Variants in FAM83G observed in about 807,000 individuals in gnomAD.
The protein encoded by FAM83G is protein FAM83G.
A neutral mutation model predicts 61.5 loss-of-function variants in FAM83G; 38 were observed. The ratio of observed to expected loss-of-function variants is 0.62; its 90% CI spans 0.48 to 0.81. The LOEUF (loss-of-function observed/expected upper bound fraction) is 0.81. Among genes scored for constraint, FAM83G ranks in the 30% least tolerant of loss-of-function variants. The pLI, the probability that FAM83G is intolerant of heterozygous loss-of-function variation, is 0.00. For missense variants in FAM83G, 989 were observed against 1,133.6 expected (o/e 0.87, Z 1.83); for synonymous variants, 470 against 476.1 (o/e 0.99, Z 0.17).
rs759719309 is a variant in FAM83G, at chr17:18,978,741, T to A, written c.925A>T (p.Ser309Cys). Residue 309 changes from serine to cysteine, a missense_variant, in exon 5 of 6, where the codon AGT becomes TGT. Ser to Cys is a moderately radical substitution (Grantham distance 112, BLOSUM62 -1). This residue lies in a region of FAM83G where 44 missense variants were observed against 83.9 expected (regional missense o/e 0.52). Coordinates refer to ENST00000388995, the MANE Select transcript of FAM83G (RefSeq NM_001039999.3). ...QFQELYLMSH[S>C]VSLKGIPMEK... Reference sequence around the variant, plus strand: ...ATAGGGATGCCCTTGAGGCTCACACTGTGTGACATGAGGTACAGCTCCTGG... The same window carrying A: ...ATAGGGATGCCCTTGAGGCTCACACAGTGTGACATGAGGTACAGCTCCTGG... 1.2e-6 allele frequency: 2 copies of A among 1,612,986 alleles called. No homozygotes were observed. The highest frequency in any genetic ancestry group is 1.7e-6 in the Non-Finnish European group (2 of 1,180,004).
rs2043076335 is a variant in FAM83G, at chr17:18,979,568, C to G, written c.796G>C (p.Ala266Pro). 6.2e-7 allele frequency: 1 copy of G among 1,613,310 alleles called. No individual in the cohort carries two copies. The change falls in exon 4 of 6, where the codon GCT becomes CCT. Residue 266 changes from alanine to proline, a missense_variant. This residue lies in a region of FAM83G where 371 missense variants were observed against 404.5 expected (regional missense o/e 0.92). Transcript: ENST00000388995. The part of the protein sequence containing the change: ...QKFMFVDGDR[A>P]VCGSYSFTWS... ...AGTCACCTGTAGGAGCCGCACACAG[C>G]CCGGTCTCCATCCACAAACATGAAC... is the stretch of plus-strand genomic sequence containing the variant.
rs1233979380 is a variant in FAM83G, at chr17:18,988,259, C to T, written c.678G>A (p.Leu226=). 1 of 1,609,762 alleles carries T rather than the reference C, an allele frequency of 6.2e-7. No individual in the cohort carries two copies. The highest frequency in any genetic ancestry group is 8.5e-7 in the Non-Finnish European group (1 of 1,176,408). ...GGAGCCTGCTCACCTTGAGGTGCCC[C>T]AGGTGCATGCAGGCCCGCTCACACA... ...LHMCERACMH[L]GHLKNLRVRS... Residue 226 remains leucine (L), a synonymous_variant, in exon 3 of 6, where the codon CTG becomes CTA. Coordinates refer to ENST00000388995, the MANE Select transcript of FAM83G (RefSeq NM_001039999.3).
chr17:18,979,092 G>A, intron 4 of FAM83G: 1 of 578,000 alleles, frequency 1.7e-6, no homozygotes, highest in Non-Finnish European at 3.1e-6. Context: ...CTCTCAGGCT[G>A]GTACAGGATT....
chr17:18,979,620 G>A lies in FAM83G; in HGVS notation c.744C>T (p.Thr248=). Residue 248 remains threonine, a synonymous_variant, in exon 4 of 6, where the codon ACC becomes ACT. Transcript: ENST00000388995. The stretch of plus-strand genomic sequence containing the variant: ...TCTGGGCCAGGGCACCCTTGAACTT[G>A]GTTGCCGACCGCGTGAAGAACTCAG... The part of the protein sequence containing the change: ...GGTEFFTRSA[T]KFKGALAQKF... 1 of 1,613,536 alleles carries A rather than the reference G, an allele frequency of 6.2e-7. No individual in the cohort carries two copies. The highest frequency in any genetic ancestry group is 2.2e-5 in the East Asian group (1 of 44,880).
chr17:18,986,830 G>A (rs923764838), intron 3 of FAM83G, among the ~76,000 whole-genome samples: 1 of 152,208 alleles, frequency 6.6e-6, no homozygotes, highest in East Asian at 1.9e-4. Flanking sequence ...CCTGGGCATC[G>A]GGCAGGGCCA....
In FAM83G at chr17:18,970,014, C is replaced by T. The variant is rs530968800; in HGVS notation, c.*1345G>A. The T allele has an allele frequency of 6.6e-6, 1 of 152,452 alleles. No homozygotes were observed. The highest frequency in any genetic ancestry group is 2.1e-4 in the South Asian group (1 of 4,830). The allele number at this position is 152,452 out of a possible 1,614,324, so 9.4% of individuals were successfully genotyped here. A position where few individuals can be genotyped will look rare whatever the true frequency, so the allele number is the denominator to read the frequency against. Reference sequence around the variant, plus strand: ...CAGAGAGTGAACAAATCTCTAAAGACTCTTCCAGACTCAGACACTGGGACC... The same window carrying T: ...CAGAGAGTGAACAAATCTCTAAAGATTCTTCCAGACTCAGACACTGGGACC... On this transcript the variant is annotated 3_prime_UTR_variant, in exon 6 of 6. Coordinates refer to ENST00000388995, the MANE Select transcript of FAM83G (RefSeq NM_001039999.3).
intron 5 of FAM83G, among the ~76,000 whole-genome samples, chr17:18,972,783 G>A (rs1419362199): frequency 6.6e-6 from 1 of 151,836 alleles, no homozygotes; most frequent in Non-Finnish European, 1.5e-5. Flanking sequence ...AATGGCGTGA[G>A]CCCAGGAGGT....
intron 3 of FAM83G, among the ~76,000 whole-genome samples, chr17:18,985,147 A>G (rs1388696621): frequency 6.6e-6 from 1 of 152,196 alleles, no homozygotes; most frequent in Non-Finnish European, 1.5e-5. Flanking sequence ...GCTGCGTCTC[A>G]TGGCGGGGCT....
rs924801799 is a variant in FAM83G, at chr17:19,000,960, G to A, written c.522+2560C>T. Among the ~76,000 whole-genome samples, 10 of 152,120 alleles carry A rather than the reference G, an allele frequency of 6.6e-5. No individual in the cohort carries two copies. Among genetic ancestry groups the A allele is most frequent in the Non-Finnish European group, 1.5e-5 (1 of 68,008 alleles). ...TGGCCTGGATGAGCTGCCCCTCCCA[G>A]CCCCTGCCTGTCACTCTGTCCTGCC... On this transcript the variant is annotated intron_variant, in intron 2 of 5. Coordinates refer to ENST00000388995, the MANE Select transcript of FAM83G (RefSeq NM_001039999.3). This position sits in a 1 kb window ranked among gnomAD's most constrained non-coding sequence, Gnocchi z 5.2.
At chr17:18,990,466 G>A (rs942317708) in intron 2 of FAM83G, among the ~76,000 whole-genome samples, 2 of 152,210 alleles carry the variant, frequency 1.3e-5, no homozygotes, top group African/African-American at 4.8e-5. Context: ...CTGGAAAGGA[G>A]CCTAATGAGG....
chr17:18,968,813 T>C lies in FAM83G; in HGVS notation c.*2546A>G. The C allele has an allele frequency of 1.9e-6, 1 of 529,788 alleles. No individual in the cohort carries two copies. Among genetic ancestry groups the C allele is most frequent in the Non-Finnish European group, 3.3e-6 (1 of 299,380 alleles). The allele number at this position is 529,788 out of a possible 1,614,324, so 32.8% of individuals were successfully genotyped here. A position where few individuals can be genotyped will look rare whatever the true frequency, so the allele number is the denominator to read the frequency against. On this transcript the variant is annotated 3_prime_UTR_variant, in exon 6 of 6. Coordinates refer to ENST00000388995, the MANE Select transcript of FAM83G (RefSeq NM_001039999.3). The surrounding 1 kb of genome is among the most constrained non-coding windows in gnomAD (Gnocchi z 4.1). ...CTTTTGGGAAAGGCATTGGCCACTT[T>C]GGACTTTATTAGCAACAGTAATGTC...
At chr17:18,998,470 C>A (rs1567804123) in intron 2 of FAM83G, among the ~76,000 whole-genome samples, 2 of 152,202 alleles carry the variant, frequency 1.3e-5, no homozygotes, top group Non-Finnish European at 1.5e-5. Flanking sequence ...CTTGGTGTAA[C>A]CTTATGAAGG....
At position 18,996,499 on chromosome 17, in the gene FAM83G, A is replaced by G. The variant is rs1567803123; in HGVS notation, c.522+7021T>C. On this transcript the variant is annotated intron_variant, in intron 2 of 5. Transcript: ENST00000388995. This position sits in a 1 kb window ranked among gnomAD's most constrained non-coding sequence, Gnocchi z 4.4. ...GCCACCTCCTGGCAATCTCCAAACC[A>G]GTTTGCCCATATAATGTCTCTGAAA... is the stretch of plus-strand genomic sequence containing the variant. 6.6e-6 allele frequency among the ~76,000 whole-genome samples: 1 copy of G among 152,148 alleles called. No individual in the cohort carries two copies. The highest frequency in any genetic ancestry group is 6.5e-5 in the Admixed American group (1 of 15,278).
At chr17:18,995,370 T>G (rs945361208) in intron 2 of FAM83G, among the ~76,000 whole-genome samples, 2 of 152,022 alleles carry the variant, frequency 1.3e-5, no homozygotes, top group Non-Finnish European at 2.9e-5. Context: ...AATTAACAGA[T>G]TAAACACTAT....
chr17:18,992,584 TC>T, intron 2 of FAM83G, among the ~76,000 whole-genome samples: 1 of 152,122 alleles, frequency 6.6e-6, no homozygotes, highest in Non-Finnish European at 1.5e-5. Context: ...CTCCTCAATC[TC>T]CCTCAGCCCC....
chr17:18,994,810 A>G (rs1820245502), intron 2 of FAM83G, among the ~76,000 whole-genome samples: 1 of 152,228 alleles, frequency 6.6e-6, no homozygotes, highest in Non-Finnish European at 1.5e-5. Context: ...CTCTGTCACA[A>G]CTACTCAAAT....
At chr17:18,981,323 G>T (rs1356037774) in intron 3 of FAM83G, among the ~76,000 whole-genome samples, 1 of 152,144 alleles carries the variant, frequency 6.6e-6, no homozygotes, top group Non-Finnish European at 1.5e-5. Flanking sequence ...CTCAGGGGAG[G>T]AGGGGTGGGT....
chr17:19,004,698 G>T lies in FAM83G; in HGVS notation c.-129+11C>A. 1 of 151,732 alleles carries T rather than the reference G, an allele frequency of 6.6e-6. No individual in the cohort carries two copies. The highest frequency in any genetic ancestry group is 1.9e-4 in the South Asian group (1 of 5,226). 9.4% of individuals were successfully genotyped at this position (151,732 alleles called of 1,614,324 possible). A position where few individuals can be genotyped will look rare whatever the true frequency, so the allele number is the denominator to read the frequency against. The stretch of plus-strand genomic sequence containing the variant: ...CCCGGGATCCGGGGGGCGCGGCCGG[G>T]ACTTGCTTACCGAGCGGGCGCTGGC... On this transcript the variant is annotated intron_variant, in intron 1 of 5. Coordinates refer to ENST00000388995, the MANE Select transcript of FAM83G (RefSeq NM_001039999.3). The surrounding 1 kb of genome is among the most constrained non-coding windows in gnomAD (Gnocchi z 5.4).
intron 3 of FAM83G, among the ~76,000 whole-genome samples, chr17:18,981,232 AT>A (rs1174234300): frequency 6.6e-6 from 1 of 152,086 alleles, no homozygotes; most frequent in Non-Finnish European, 1.5e-5. Context: ...AGAGGATGAC[AT>A]AGGTCACAGG....
Sources: allele counts gnomAD v4.1 joint callset (sites outside exome capture counted in the v4.1 genomes callset), GRCh38; gene constraint gnomAD v4.1.1; regional missense constraint gnomAD v4.1.1; non-coding constraint Gnocchi (gnomAD v3.1); transcripts MANE v1.5; gene names NCBI Gene and HGNC (gene_info 2026-07-23, HGNC 2026-07-21).